The following G3BP2 variants were observed in gnomAD, a reference collection of about 807,000 sequenced individuals.
G3BP2 encodes G3BP stress granule assembly factor 2, also known as ras GTPase-activating protein-binding protein 2.
Under a neutral mutation model 56.7 loss-of-function variants are expected in G3BP2, and 11 were observed. That is an observed-to-expected ratio of 0.19 (90% CI 0.12 to 0.32). The LOEUF (loss-of-function observed/expected upper bound fraction) is 0.32, where lower values mean the gene tolerates loss of function less well. G3BP2 is among the 10% of genes least tolerant of loss of function. G3BP2 has a pLI of 1.00. For missense variants in G3BP2, 340 were observed against 610.9 expected (o/e 0.56, Z 4.67); for synonymous variants, 165 against 191.6 (o/e 0.86, Z 1.15).
At chr4:75,706,906 A>G (rs1432963190) in intron 3 of G3BP2, among the ~76,000 whole-genome samples, 2 of 152,138 alleles carry the variant, frequency 1.3e-5, no homozygotes, top group African/African-American at 4.8e-5. Flanking sequence ...AAAAGGGAAA[A>G]GAGTGGCCAG....
intron 1 of G3BP2, among the ~76,000 whole-genome samples, chr4:75,670,677 A>C (rs1157966285): frequency 6.6e-6 from 1 of 152,216 alleles, no homozygotes; most frequent in Non-Finnish European, 1.5e-5. Context: ...TTTTGTCTTT[A>C]AAATAGATAG....
chr4:75,681,472 G>GT (rs1341556259), intron 3 of G3BP2, among the ~76,000 whole-genome samples: 3 of 152,076 alleles, frequency 2.0e-5, no homozygotes, highest in Admixed American at 6.6e-5. Context: ...TATATACTAT[G>GT]TTTTTTCCTA....
intron 3 of G3BP2, among the ~76,000 whole-genome samples, chr4:75,714,367 C>T (rs1280330520): frequency 6.6e-6 from 1 of 152,250 alleles, no homozygotes; most frequent in Non-Finnish European, 1.5e-5. Context: ...TGGCCCACGC[C>T]TGTAACCCCA....
chr4:75,719,919 A>G (rs1292472812), intron 3 of G3BP2, among the ~76,000 whole-genome samples: 1 of 151,154 alleles, frequency 6.6e-6, no homozygotes, highest in Non-Finnish European at 1.5e-5. Context: ...TGAGAGAGGT[A>G]GCTGTCCAAC....
chr4:75,722,931 C>T (rs1156482963), intron 1 of G3BP2, among the ~76,000 whole-genome samples: 1 of 152,124 alleles, frequency 6.6e-6, no homozygotes, highest in African/African-American at 2.4e-5. Context: ...TTTTATGAGA[C>T]AGTGGTAAGC....
intron 1 of G3BP2, among the ~76,000 whole-genome samples, chr4:75,672,160 C>CT (rs1343261486): frequency 4.6e-5 from 7 of 151,962 alleles, no homozygotes; most frequent in South Asian, 2.1e-4. Context: ...GTGCAAGTGC[C>CT]TTTTTTTTGT....
chr4:75,686,542 A>AGCAAGAGCAAAGGG (rs1718611136), intron 3 of G3BP2, among the ~76,000 whole-genome samples: 1 of 113,854 alleles, frequency 8.8e-6, no homozygotes, highest in African/African-American at 3.4e-5. Context: ...CAGAAGGAAC[A>AGCAAGAGCAAAGGG]GCAAGAGCAA....
chr4:75,676,759 G>A (rs1733891526), upstream of G3BP2, among the ~76,000 whole-genome samples: 1 of 152,158 alleles, frequency 6.6e-6, no homozygotes, highest in African/African-American at 2.4e-5. Context: ...ACTACAGTCT[G>A]TTCCCCTCAC....
At chr4:75,655,646 C>T in intron 6 of G3BP2, 122 bp downstream of exon 6, 1 of 632,098 alleles carries the variant, frequency 1.6e-6, no homozygotes, top group Non-Finnish European at 2.8e-6. Context: ...ACAATAGGTA[C>T]TCAAATACTG....
Position 75,655,116 on chromosome 4 carries a change from T to C in G3BP2, c.676A>G (p.Thr226Ala), listed in dbSNP as rs769494348. The C allele has an allele frequency of 6.8e-6, 11 of 1,613,054 alleles. No homozygotes were observed. The African/African-American group carries it at 1.1e-4, about 16-fold the overall frequency. The change falls in exon 7 of 12, where the codon ACT becomes GCT. Residue 226 changes from threonine (T) to alanine (A), a missense_variant. Physicochemically the swap from Thr to Ala is moderately conservative, Grantham distance 58. Around this residue, in one of 4 missense-constraint regions of G3BP2, gnomAD observed 224 missense variants for 332.5 expected, o/e 0.67. Transcript: ENST00000359707. ...KNLEELEEKS[T>A]TPPPAEPVSL... ...ACAGGTTCTGCCGGAGGAGGAGTAG[T>C]AGATTTCTCCTCTAGTTCTTCTAAG... is the stretch of plus-strand genomic sequence containing the variant.
At chr4:75,670,830 G>T (rs1033813054) in intron 1 of G3BP2, among the ~76,000 whole-genome samples, 2 of 151,072 alleles carry the variant, frequency 1.3e-5, no homozygotes, top group Non-Finnish European at 2.9e-5. Flanking sequence ...TTACACTTTG[G>T]TTAGGAACAA....
chr4:75,658,361 A>G (rs1261901764), intron 3 of G3BP2, among the ~76,000 whole-genome samples: 2 of 152,102 alleles, frequency 1.3e-5, no homozygotes, highest in African/African-American at 4.8e-5. Flanking sequence ...CAAACTGAAC[A>G]ACTATTGACA....
intron 3 of G3BP2, among the ~76,000 whole-genome samples, chr4:75,704,921 C>T (rs1202113331): frequency 6.6e-6 from 1 of 152,230 alleles, no homozygotes; most frequent in Non-Finnish European, 1.5e-5. Context: ...GCGTGAACCA[C>T]CACACCCAGT....
intron 1 of G3BP2, among the ~76,000 whole-genome samples, chr4:75,722,894 T>A (rs1444294823): frequency 6.6e-6 from 1 of 152,218 alleles, no homozygotes; most frequent in African/African-American, 2.4e-5. Flanking sequence ...CTTTCAATAA[T>A]TTATTCATTT....
intron 6 of G3BP2, 71 bp downstream of exon 6, chr4:75,655,696 TA>T: frequency 1.3e-6 from 1 of 787,316 alleles, no homozygotes; most frequent in East Asian, 2.5e-5. Flanking sequence ...CTTTCAACAA[TA>T]ATTCTAGGAA....
At chr4:75,673,663 T>C (rs1733708372), upstream of G3BP2, 1 of 1,221,116 alleles carries the variant, frequency 8.2e-7, no homozygotes, top group African/African-American at 1.6e-5. Context: ...CAGGCTGCCT[T>C]TCTCCGGTCC....
At chr4:75,698,846 C>T (rs1719223636) in intron 3 of G3BP2, among the ~76,000 whole-genome samples, 1 of 152,118 alleles carries the variant, frequency 6.6e-6, no homozygotes, top group African/African-American at 2.4e-5. Flanking sequence ...CAGCTGCATG[C>T]CACCACACCT....
chr4:75,710,912 C>T (rs1719730461), intron 3 of G3BP2, among the ~76,000 whole-genome samples: 1 of 152,158 alleles, frequency 6.6e-6, no homozygotes, highest in Non-Finnish European at 1.5e-5. Context: ...AATCCTTCTG[C>T]CTTGGCCTCC....
chr4:75,688,231 T>C (rs1718700274), intron 3 of G3BP2, among the ~76,000 whole-genome samples: 2 of 152,080 alleles, frequency 1.3e-5, no homozygotes, highest in African/African-American at 2.4e-5. Context: ...TTAGTAGAGA[T>C]GGGGTTTTAC....
Sources: allele counts gnomAD v4.1 joint callset (sites outside exome capture counted in the v4.1 genomes callset), GRCh38; gene constraint gnomAD v4.1.1; regional missense constraint gnomAD v4.1.1; transcripts MANE v1.5; gene names NCBI Gene and HGNC (gene_info 2026-07-23, HGNC 2026-07-21).